TRPM3: variants seen among roughly 807,000 people sequenced by gnomAD.
TRPM3 encodes long transient receptor potential channel 3.
Under a neutral mutation model 181.2 loss-of-function variants are expected in TRPM3, and 77 were observed. That is an observed-to-expected ratio of 0.42 (90% confidence interval 0.35 to 0.51). The LOEUF (loss-of-function observed/expected upper bound fraction) is 0.51. Among genes scored for constraint, TRPM3 ranks in the 20% least tolerant of loss-of-function variants. The probability of loss-of-function intolerance (pLI) is 0.01; values close to 1 mark genes in which losing one functional copy is unlikely to be tolerated. For missense variants in TRPM3, 1,759 were observed against 2,196.7 expected, an observed-to-expected ratio of 0.80 and a Z score of 3.98; for synonymous variants, 745 against 796.4, an observed-to-expected ratio of 0.94 and a Z score of 1.09.
chr9:70,548,992 AT>A (rs1050245072), intron 25 of TRPM3, among the ~76,000 whole-genome samples: 4 of 150,562 alleles, frequency 2.7e-5, no homozygotes, highest in Admixed American at 1.3e-4. Context: ...TGCTTTTATT[AT>A]TTTTTTTTGC....
At chr9:70,552,484 A>C (rs191919586) in intron 24 of TRPM3, among the ~76,000 whole-genome samples, 1 of 152,310 alleles carries the variant, frequency 6.6e-6, no homozygotes, top group East Asian at 1.9e-4. Context: ...TAAATTATAT[A>C]TAATGTAGCC....
chr9:71,369,204 C>A (rs1296326244), intron 1 of TRPM3, among the ~76,000 whole-genome samples: 4 of 151,778 alleles, frequency 2.6e-5, no homozygotes, highest in African/African-American at 7.3e-5. Context: ...GAGAAATAAA[C>A]AATGAAATGT....
upstream of TRPM3, among the ~76,000 whole-genome samples, chr9:71,123,679 T>C (rs945221469): frequency 6.6e-6 from 1 of 152,144 alleles, no homozygotes; most frequent in South Asian, 2.1e-4. Context: ...ATAAATGGGG[T>C]AAAGAGGAAG....
At chr9:71,431,924 C>T (rs979643091) in intron 1 of TRPM3, among the ~76,000 whole-genome samples, 2 of 152,214 alleles carry the variant, frequency 1.3e-5, no homozygotes, top group African/African-American at 4.8e-5. Context: ...TTACTTCACA[C>T]ACAATTACTG....
At chr9:70,666,159 G>T (rs1455263399) in intron 9 of TRPM3, among the ~76,000 whole-genome samples, 1 of 152,204 alleles carries the variant, frequency 6.6e-6, no homozygotes, top group Non-Finnish European at 1.5e-5. Flanking sequence ...TGGCCTGGTG[G>T]CTGGCTGTAG....
At chr9:71,444,873 A>G (rs1286165378) in intron 1 of TRPM3, among the ~76,000 whole-genome samples, 1 of 152,248 alleles carries the variant, frequency 6.6e-6, no homozygotes, top group East Asian at 1.9e-4. Flanking sequence ...AGCACTTATT[A>G]TTAGGGTTTT....
chr9:70,934,879 A>C (rs2096811310), intron 1 of TRPM3, among the ~76,000 whole-genome samples: 1 of 152,146 alleles, frequency 6.6e-6, no homozygotes, highest in Non-Finnish European at 1.5e-5. Flanking sequence ...CCCCAAAAAA[A>C]ATAAAAACAA....
chr9:70,533,416 C>T lies in TRPM3; in HGVS notation c.*2537G>A, dbSNP rs1251229197. 1 of 152,172 alleles carries T rather than the reference C, an allele frequency of 6.6e-6. No individual in the cohort carries two copies. Among genetic ancestry groups the T allele is most frequent in the Admixed American group, 6.5e-5 (1 of 15,272 alleles). 9.4% of individuals were successfully genotyped at this position (152,172 alleles called of 1,614,324 possible). On this transcript the variant is annotated 3_prime_UTR_variant, in exon 26 of 26. Transcript: ENST00000677713. ...AAAAATAACAAAATCTTTGTTCAAA[C>T]TCTGGTGCTGAGATTTGGCCTTCCT... is the stretch of plus-strand genomic sequence containing the variant.
intron 1 of TRPM3, among the ~76,000 whole-genome samples, chr9:71,441,878 G>A (rs1456248576): frequency 1.3e-5 from 2 of 152,018 alleles, no homozygotes; most frequent in East Asian, 1.9e-4. Flanking sequence ...TGATCCACCC[G>A]CCTCGGCCTC....
At chr9:71,361,895 T>C (rs997283302) in intron 1 of TRPM3, among the ~76,000 whole-genome samples, 2 of 152,234 alleles carry the variant, frequency 1.3e-5, no homozygotes, top group Non-Finnish European at 2.9e-5. Flanking sequence ...ATCTTGCTTT[T>C]TTTTTTAAAC....
intron 1 of TRPM3, among the ~76,000 whole-genome samples, chr9:70,971,162 C>T (rs2097240640): frequency 6.6e-6 from 1 of 152,018 alleles, no homozygotes; most frequent in Non-Finnish European, 1.5e-5. Flanking sequence ...TTATAAAATG[C>T]CGACTGTAAA....
intron 1 of TRPM3, among the ~76,000 whole-genome samples, chr9:71,095,169 A>T (rs1355130747): frequency 6.6e-6 from 1 of 152,126 alleles, no homozygotes; most frequent in African/African-American, 2.4e-5. Context: ...TGTTTCTTGG[A>T]CTTCTGAGTG....
At chr9:71,122,491 A>AAT (rs1277948052), upstream of TRPM3, among the ~76,000 whole-genome samples, 2 of 152,254 alleles carry the variant, frequency 1.3e-5, no homozygotes, top group East Asian at 3.9e-4. Context: ...CTATGGGGAG[A>AAT]ATCCCCACAT....
intron 1 of TRPM3, among the ~76,000 whole-genome samples, chr9:71,014,925 C>T (rs962990019): frequency 6.6e-6 from 1 of 152,032 alleles, no homozygotes; most frequent in African/African-American, 2.4e-5. Context: ...ATTTCTTTCT[C>T]CATATAATCA....
upstream of TRPM3, chr9:71,121,736 G>A: frequency 1.8e-6 from 1 of 547,380 alleles, no homozygotes; most frequent in Non-Finnish European, 2.4e-6. Context: ...TCGCAAAAGG[G>A]AACAAAAATG....
intron 9 of TRPM3, among the ~76,000 whole-genome samples, chr9:70,661,247 G>T (rs1385985456): frequency 6.6e-6 from 1 of 151,608 alleles, no homozygotes; most frequent in East Asian, 1.9e-4. Flanking sequence ...ATGACTTTTT[G>T]AAAAAAACCC....
chr9:70,936,351 G>A (rs1291479812), intron 1 of TRPM3, among the ~76,000 whole-genome samples: 2 of 152,162 alleles, frequency 1.3e-5, no homozygotes, highest in Non-Finnish European at 2.9e-5. Flanking sequence ...GACAGCCATG[G>A]AATTTTCCTT....
intron 1 of TRPM3, among the ~76,000 whole-genome samples, chr9:71,331,663 A>AGAGGAG (rs144910157): frequency 8.2e-6 from 1 of 122,538 alleles, no homozygotes; most frequent in South Asian, 2.9e-4. Context: ...AGGAGAGGGA[A>AGAGGAG]GAGGAGGAGG....
At chr9:71,041,223 TAGAG>T (rs1305817705) in intron 1 of TRPM3, among the ~76,000 whole-genome samples, 1 of 151,882 alleles carries the variant, frequency 6.6e-6, no homozygotes, top group East Asian at 1.9e-4. Flanking sequence ...GATGTATGTG[TAGAG>T]AGAGAGAAGG....
Sources: allele counts gnomAD v4.1 joint callset (sites outside exome capture counted in the v4.1 genomes callset), GRCh38; gene constraint gnomAD v4.1.1; transcripts MANE v1.5; gene names NCBI Gene and HGNC (gene_info 2026-07-23, HGNC 2026-07-21).